The following UBR3 variants were observed in gnomAD, a reference collection of about 807,000 sequenced individuals.
UBR3 encodes the protein E3 ubiquitin-protein ligase UBR3.
Under a neutral mutation model 243.2 loss-of-function variants are expected in UBR3, and 85 were observed. That is an observed-to-expected ratio of 0.35 (90% confidence interval 0.29 to 0.42). The LOEUF is 0.42. Among genes scored for constraint, UBR3 ranks in the 10% least tolerant of loss-of-function variants. The pLI, the probability that UBR3 is intolerant of heterozygous loss-of-function variation, is 1.00. For synonymous variants in UBR3, 748 were observed against 799.8 expected (o/e 0.94, Z 1.09); for missense variants, 1,686 against 2,300.8 (o/e 0.73, Z 5.47).
intron 1 of UBR3, among the ~76,000 whole-genome samples, chr2:169,851,885 G>C (rs1245868106): frequency 6.6e-6 from 1 of 151,780 alleles, no homozygotes; most frequent in Non-Finnish European, 1.5e-5. Context: ...TGGGGCCCAG[G>C]TCTTCTGAAT....
At chr2:170,075,928 A>AG (rs2091798889) in intron 36 of UBR3, among the ~76,000 whole-genome samples, 1 of 145,846 alleles carries the variant, frequency 6.9e-6, no homozygotes, top group South Asian at 2.2e-4. Context: ...AAAAAAAAAA[A>AG]CAGGATTCAT....
At chr2:169,954,824 C>A (rs1444832749) in intron 23 of UBR3, among the ~76,000 whole-genome samples, 1 of 152,122 alleles carries the variant, frequency 6.6e-6, no homozygotes, top group Non-Finnish European at 1.5e-5. Flanking sequence ...CCACCCGTCT[C>A]GGCATCCCAA....
chr2:169,914,208 T>A, intron 11 of UBR3, 62 bp downstream of exon 11: 1 of 843,550 alleles, frequency 1.2e-6, no homozygotes, highest in Non-Finnish European at 1.7e-6. Context: ...AAGAAAAGTG[T>A]TAGATTTCAT....
At chr2:169,862,446 T>G (rs2083125464) in intron 1 of UBR3, among the ~76,000 whole-genome samples, 1 of 152,216 alleles carries the variant, frequency 6.6e-6, no homozygotes, top group South Asian at 2.1e-4. Flanking sequence ...TTCTCTGCTT[T>G]GTAGTTTACT....
chr2:169,975,948 A>G (rs1210634920), intron 24 of UBR3, among the ~76,000 whole-genome samples: 1 of 150,706 alleles, frequency 6.6e-6, no homozygotes, highest in Non-Finnish European at 1.5e-5. Context: ...TATAATGACC[A>G]TTTTTTTCTC....
At chr2:169,984,766 C>T (rs6433162) in intron 24 of UBR3, among the ~76,000 whole-genome samples, 148,746 of 152,252 alleles carry the variant, frequency 0.98, 72,748 homozygotes, top group East Asian at 1. Context: ...AACCATGATC[C>T]TAGTTTCTTG....
intron 1 of UBR3, among the ~76,000 whole-genome samples, chr2:169,855,271 C>G (rs1486695736): frequency 6.6e-6 from 1 of 152,136 alleles, no homozygotes; most frequent in Non-Finnish European, 1.5e-5. Context: ...CCAGATTGTT[C>G]TCATATATAA....
chr2:169,832,507 G>A (rs1469535301), intron 1 of UBR3, among the ~76,000 whole-genome samples: 1 of 151,928 alleles, frequency 6.6e-6, no homozygotes, highest in Non-Finnish European at 1.5e-5. Flanking sequence ...CTTGGAGTGA[G>A]CTTGGAGTGA....
intron 8 of UBR3, among the ~76,000 whole-genome samples, chr2:169,903,248 G>C (rs983529961): frequency 1.3e-5 from 2 of 152,182 alleles, no homozygotes; most frequent in African/African-American, 4.8e-5. Context: ...TACAAGAACA[G>C]TAGTATTTAA....
intron 1 of UBR3, among the ~76,000 whole-genome samples, chr2:169,828,521 G>T (rs1402995460): frequency 6.6e-6 from 1 of 152,024 alleles, no homozygotes; most frequent in Non-Finnish European, 1.5e-5. Flanking sequence ...TGGGGAGGTG[G>T]TCTTGTACGT....
chr2:170,072,975 G>A (rs1276424717), intron 35 of UBR3, among the ~76,000 whole-genome samples: 2 of 151,946 alleles, frequency 1.3e-5, no homozygotes, highest in Non-Finnish European at 2.9e-5. Flanking sequence ...AACTGATTTT[G>A]TTTCACACTC....
At chr2:169,949,564 A>C (rs781569257) in intron 22 of UBR3, 41 bp from the exon 23 acceptor site, 1 of 1,457,396 alleles carries the variant, frequency 6.9e-7, no homozygotes, top group Non-Finnish European at 9.1e-7. Context: ...ATGCTAAATA[A>C]CTTCTCTTGA....
intron 35 of UBR3, among the ~76,000 whole-genome samples, chr2:170,071,018 G>A (rs934446700): frequency 2.0e-5 from 3 of 152,094 alleles, no homozygotes; most frequent in Non-Finnish European, 4.4e-5. Flanking sequence ...TAGATGAAAA[G>A]ATACTCAACA....
Position 170,035,493 on chromosome 2 carries a change from G to T in UBR3, c.4557-5389G>T, listed in dbSNP as rs4667613. Among the ~76,000 whole-genome samples the T allele has an allele frequency of 1.3e-3, 199 of 151,934 alleles. 3 individuals carry two copies. The highest frequency in any genetic ancestry group is 3.8e-3 in the African/African-American group (158 of 41,468). Reference sequence around the variant, plus strand: ...CTATAATTATGTGAATCTATTTCTGGGCTCTCTGTTCTGTTCCATTGATCT... The same window carrying T: ...CTATAATTATGTGAATCTATTTCTGTGCTCTCTGTTCTGTTCCATTGATCT... On this transcript the variant is annotated intron_variant, in intron 31 of 38. Transcript: ENST00000272793.
chr2:169,972,081 G>T (rs915092043), intron 24 of UBR3, among the ~76,000 whole-genome samples: 2 of 151,940 alleles, frequency 1.3e-5, no homozygotes, highest in Non-Finnish European at 2.9e-5. Context: ...TGATAAAGGG[G>T]ATATCACCAC....
chr2:169,994,365 C>A lies in UBR3; in HGVS notation c.3827C>A (p.Pro1276Gln). 6.2e-7 allele frequency: 1 copy of A among 1,613,994 alleles called. No homozygotes were observed. Among genetic ancestry groups the A allele is most frequent in the Non-Finnish European group, 8.5e-7 (1 of 1,180,000 alleles). The stretch of plus-strand genomic sequence containing the variant: ...GACAATGTTGAGCCAAAAAAGTTGC[C>A]GATCAGTGAAGAGGAGCAGATTTAC... ...CRDNVEPKKL[P>Q]ISEEEQIYPW... Residue 1276 changes from proline (P) to glutamine (Q), a missense_variant, in exon 26 of 39, where the codon CCG becomes CAG. This residue lies in a region of UBR3 where 156 missense variants were observed against 246.3 expected (regional missense o/e 0.63). Transcript: ENST00000272793.
chr2:169,988,972 C>A (rs1210648932), intron 25 of UBR3, among the ~76,000 whole-genome samples: 3 of 152,046 alleles, frequency 2.0e-5, no homozygotes, highest in East Asian at 1.9e-4. Flanking sequence ...TATTTTGATT[C>A]ATTTCTTCTC....
In UBR3 at chr2:169,957,164, T is replaced by C. The variant is rs577415408; in HGVS notation, c.3546-1274T>C. Among the ~76,000 whole-genome samples, 3 of 152,366 alleles carry C rather than the reference T, an allele frequency of 2.0e-5. No homozygotes were observed. The South Asian group carries it at 6.2e-4, about 32-fold the overall frequency. On this transcript the variant is annotated intron_variant, in intron 23 of 38. Transcript: ENST00000272793. ...TTTCCTTACTGGGAGTGAAACTTTA[T>C]GCTTACTAGTATTGTTAGCATCACA...
At chr2:170,028,124 G>A (rs1158103798) in intron 30 of UBR3, among the ~76,000 whole-genome samples, 1 of 151,876 alleles carries the variant, frequency 6.6e-6, no homozygotes. Context: ...AGATTCCTCT[G>A]TTCGTTATAG....
Sources: allele counts gnomAD v4.1 joint callset (sites outside exome capture counted in the v4.1 genomes callset), GRCh38; gene constraint gnomAD v4.1.1; regional missense constraint gnomAD v4.1.1; transcripts MANE v1.5; gene names NCBI Gene and HGNC (gene_info 2026-07-23, HGNC 2026-07-21).